SMG1: variants seen among roughly 807,000 people sequenced by gnomAD.
The protein encoded by SMG1 is SMG1 nonsense mediated mRNA decay associated PI3K related kinase.
SMG1 carries 22 observed loss-of-function variants against 419.9 expected under a neutral mutation model. The observed-to-expected ratio is 0.05, with a 90% CI of 0.04 to 0.07. The LOEUF is 0.07. Among genes scored for constraint, SMG1 ranks in the 10% least tolerant of loss-of-function variants. SMG1 has a pLI of 1.00. For missense variants in SMG1, 3,185 were observed against 4,342.0 expected (o/e 0.73, Z 7.49); for synonymous variants, 1,538 against 1,553.5 (o/e 0.99, Z 0.23).
At position 18,926,399 on chromosome 16, in the gene SMG1, C is replaced by A. The variant is rs1036774993; in HGVS notation, c.-358G>T. 4.4e-6 allele frequency: 1 copy of A among 228,250 alleles called. No individual in the cohort carries two copies. The highest frequency in any genetic ancestry group is 8.6e-6 in the Non-Finnish European group (1 of 116,622). 14.1% of individuals were successfully genotyped at this position (228,250 alleles called of 1,614,324 possible). A position where few individuals can be genotyped will look rare whatever the true frequency, so the allele number is the denominator to read the frequency against. On this transcript the variant is annotated 5_prime_UTR_variant, in exon 1 of 63. Transcript: ENST00000446231. ...CGGTGGCGGCAGCTCCTCACGCTCA[C>A]ACGGCCACTGCTTCCCCGCCTCCCG...
At position 18,866,628 on chromosome 16, in the gene SMG1, C is replaced by G. The variant is rs2035525383; in HGVS notation, c.3343G>C (p.Glu1115Gln). 6.3e-7 allele frequency: 1 copy of G among 1,593,152 alleles called. No homozygotes were observed. The highest frequency in any genetic ancestry group is 8.5e-7 in the Non-Finnish European group (1 of 1,175,894). Reference sequence around the variant, plus strand: ...TCCTTCCCTCCAACCTACCTCCCTTCAGCCTGTTGAGCCACTGAGTTAATC... The same window carrying G: ...TCCTTCCCTCCAACCTACCTCCCTTGAGCCTGTTGAGCCACTGAGTTAATC... ...LWINSVAQQA[E>Q]GRFEKASVEY... The change falls in exon 23 of 63, where the codon GAA becomes CAA. Residue 1115 changes from glutamate (E) to glutamine (Q), a missense_variant. Glu to Gln is a conservative substitution (Grantham distance 29). Coordinates refer to ENST00000446231, the MANE Select transcript of SMG1 (RefSeq NM_015092.5).
chr16:18,896,288 T>C (rs943118859), intron 2 of SMG1, 81 bp from the exon 3 acceptor site: 3 of 1,305,130 alleles, frequency 2.3e-6, no homozygotes, highest in South Asian at 2.4e-5. Flanking sequence ...AGGATCTTAT[T>C]ACTCAATCTG....
intron 60 of SMG1, among the ~76,000 whole-genome samples, chr16:18,814,928 G>C (rs67115982): frequency 0.31 from 45,487 of 144,478 alleles, 7,776 homozygotes; most frequent in Non-Finnish European, 0.39. Context: ...TTTTTAAAGA[G>C]ACAGGGTCTT....
rs1021831350 is a variant in SMG1 at position 18,853,461 on chromosome 16, A to C, written c.4768+122T>G. On this transcript the variant is annotated intron_variant, in intron 31 of 62. Transcript: ENST00000446231. ...TAGTTATTTCCCAACAATAAAATAA[A>C]CTCAACTTCCACAGATATACTTTTT... 5.5e-6 allele frequency: 5 copies of C among 903,312 alleles called. No individual in the cohort carries two copies. The Admixed American group carries it at 1.4e-4, about 25-fold the overall frequency. The allele number at this position is 903,312 out of a possible 1,614,324, so 56.0% of individuals were successfully genotyped here. A position where few individuals can be genotyped will look rare whatever the true frequency, so the allele number is the denominator to read the frequency against.
chr16:18,909,910 CT>C (rs1186926023), intron 1 of SMG1, among the ~76,000 whole-genome samples: 12 of 152,030 alleles, frequency 7.9e-5, no homozygotes, highest in Non-Finnish European at 1.6e-4. Context: ...CAAACCCTAT[CT>C]TTTTCTTTTG....
At chr16:18,924,000 T>C (rs1017328084) in intron 1 of SMG1, among the ~76,000 whole-genome samples, 1 of 152,200 alleles carries the variant, frequency 6.6e-6, no homozygotes, top group African/African-American at 2.4e-5. Flanking sequence ...CTGTTCCCTC[T>C]ACAACAGGAG....
At chr16:18,817,513 G>A (rs1437855313) in intron 56 of SMG1, 43 bp from the exon 57 acceptor site, 1 of 1,437,634 alleles carries the variant, frequency 7.0e-7, no homozygotes, top group East Asian at 2.5e-5. Flanking sequence ...ATGGGAGGAA[G>A]GTGGGAAAGG....
chr16:18,837,792 G>A (rs964500627), intron 45 of SMG1, among the ~76,000 whole-genome samples: 3 of 152,144 alleles, frequency 2.0e-5, no homozygotes, highest in African/African-American at 7.2e-5. Flanking sequence ...TTCAAATCAT[G>A]AACCCACCTC....
chr16:18,816,085 T>G, intron 58 of SMG1: 1 of 563,698 alleles, frequency 1.8e-6, no homozygotes, highest in East Asian at 3.0e-5. Context: ...GGAATCTAAT[T>G]AAGCCTTAGC....
chr16:18,837,957 C>A, intron 45 of SMG1, 57 bp downstream of exon 45: 1 of 1,542,190 alleles, frequency 6.5e-7, no homozygotes, highest in East Asian at 2.3e-5. Context: ...TTTTGATGAG[C>A]ATGTTTACTC....
At position 18,847,433 on chromosome 16, in the gene SMG1, A is replaced by C; in HGVS notation, c.5996+20T>G. 6.2e-7 allele frequency: 1 copy of C among 1,612,550 alleles called. No individual in the cohort carries two copies. Among genetic ancestry groups the C allele is most frequent in the Non-Finnish European group, 8.5e-7 (1 of 1,178,586 alleles). On this transcript the variant is annotated intron_variant, in intron 38 of 62. Transcript: ENST00000446231. ...AAAGTGGCAGCTTCACTGTCTCAGG[A>C]CAAGTGTATGGAAACATACTTGCGT... is the stretch of plus-strand genomic sequence containing the variant.
chr16:18,810,950 C>T (rs574579421), intron 62 of SMG1, among the ~76,000 whole-genome samples: 5 of 152,148 alleles, frequency 3.3e-5, no homozygotes, highest in East Asian at 1.9e-4. Flanking sequence ...CTAGGTAAAA[C>T]GTTTATGGGC....
intron 23 of SMG1, chr16:18,866,083 A>G: frequency 6.4e-6 from 1 of 155,990 alleles, no homozygotes; most frequent in Non-Finnish European, 1.4e-5. Context: ...AAAGAATTAC[A>G]AAGCATATGG....
rs760584937 is a variant in SMG1, at chr16:18,819,557, G to T, written c.9839C>A (p.Ala3280Glu). 1.2e-6 allele frequency: 2 copies of T among 1,605,570 alleles called. No individual in the cohort carries two copies. Among genetic ancestry groups the T allele is most frequent in the Admixed American group, 1.7e-5 (1 of 58,614 alleles). The change falls in exon 56 of 63, where the codon GCA (alanine) becomes GAA (glutamate). Residue 3280 changes from alanine to glutamate, a missense_variant. Around this residue, in one of 27 missense-constraint regions of SMG1, gnomAD observed 737 missense variants for 846.6 expected, o/e 0.87. Coordinates refer to ENST00000446231, the MANE Select transcript of SMG1 (RefSeq NM_015092.5). The stretch of plus-strand genomic sequence containing the variant: ...AAGATTTCTTCTTTCAGCTATCGTT[G>T]CTTCAAAATCTTGTAGTACAGGGGC... Reference protein sequence around the residue: ...ALAPVLQDFEATIAERRNLVL... With the variant: ...ALAPVLQDFEETIAERRNLVL...
chr16:18,874,549 G>A (rs2141637424), intron 13 of SMG1, among the ~76,000 whole-genome samples: 1 of 132,264 alleles, frequency 7.6e-6, no homozygotes, highest in Non-Finnish European at 1.6e-5. Flanking sequence ...GCAGGGCCAT[G>A]TCGAATTACT....
intron 1 of SMG1, chr16:18,911,561 A>G (rs1376966494): frequency 2.0e-5 from 3 of 152,132 alleles, no homozygotes; most frequent in Admixed American, 2.0e-4. Context: ...AATTAATTCT[A>G]TCTCCACTAA....
intron 42 of SMG1, among the ~76,000 whole-genome samples, chr16:18,839,399 T>G (rs1596494955): frequency 6.6e-6 from 1 of 152,114 alleles, no homozygotes; most frequent in African/African-American, 2.4e-5. Flanking sequence ...TGTGTCCATG[T>G]GTGCTCAATG....
At chr16:18,866,451 T>C in intron 23 of SMG1, 170 bp downstream of exon 23, 1 of 663,456 alleles carries the variant, frequency 1.5e-6, no homozygotes, top group Admixed American at 2.6e-5. Context: ...CAAGTATTGC[T>C]GCTAACTAAA....
intron 51 of SMG1, among the ~76,000 whole-genome samples, chr16:18,832,582 GCACA>G (rs3222694): frequency 0.027 from 3,959 of 148,204 alleles, 75 homozygotes; most frequent in Admixed American, 0.052. Context: ...CTATACACTT[GCACA>G]CACACACACA....
Sources: gnomAD v4.1 joint callset for allele counts (sites outside exome capture counted in the v4.1 genomes callset) on GRCh38, gnomAD v4.1.1 for gene constraint, gnomAD v4.1.1 regional missense constraint, MANE v1.5 for transcripts, NCBI Gene and HGNC (gene_info 2026-07-23, HGNC 2026-07-21) for gene names.